Variants in ADK observed in about 807,000 individuals in gnomAD.
ADK encodes adenosine kinase.
A neutral mutation model predicts 44.7 loss-of-function variants in ADK; 24 were observed. The ratio of observed to expected loss-of-function variants is 0.54; its 90% confidence interval spans 0.39 to 0.76. The LOEUF is 0.76. ADK is among the 30% of genes least tolerant of loss of function. The pLI is 0.00. For missense variants in ADK, 321 were observed against 425.1 expected (o/e 0.76, Z 2.15); for synonymous variants, 128 against 142.6 (o/e 0.90, Z 0.73).
intron 7 of ADK, among the ~76,000 whole-genome samples, chr10:74,586,727 A>G (rs112347369): frequency 0.043 from 6,554 of 151,834 alleles, 433 homozygotes; most frequent in African/African-American, 0.14. Context: ...GGTGGCACAC[A>G]CCTGTAGTTC....
intron 4 of ADK, among the ~76,000 whole-genome samples, chr10:74,367,597 G>A (rs192597208): frequency 1.2e-4 from 18 of 152,168 alleles, no homozygotes; most frequent in Non-Finnish European, 2.1e-4. Flanking sequence ...ACCAGTACTC[G>A]GTGCTTTTGC....
At chr10:74,671,629 A>T (rs1433032256) in intron 10 of ADK, among the ~76,000 whole-genome samples, 1 of 152,208 alleles carries the variant, frequency 6.6e-6, no homozygotes, top group African/African-American at 2.4e-5. Context: ...ATGTAGGCTA[A>T]AATATTTTAT....
At chr10:74,209,617 AT>A (rs554643435) in intron 2 of ADK, among the ~76,000 whole-genome samples, 327 of 145,076 alleles carry the variant, frequency 2.3e-3, no homozygotes, top group Middle Eastern at 3.5e-3. Flanking sequence ...TCTGATTCTG[AT>A]TTTTTTTTTT....
chr10:74,633,861 G>A (rs1444173229), intron 9 of ADK, among the ~76,000 whole-genome samples: 2 of 152,220 alleles, frequency 1.3e-5, no homozygotes, highest in Non-Finnish European at 2.9e-5. Context: ...AAAGTTGGTA[G>A]AAAACACGCA....
intron 3 of ADK, among the ~76,000 whole-genome samples, chr10:74,263,584 A>G (rs1478934609): frequency 1.3e-5 from 2 of 152,152 alleles, no homozygotes; most frequent in Non-Finnish European, 2.9e-5. Flanking sequence ...AGGGGAATAC[A>G]TTACAAGTAC....
chr10:74,351,389 T>C (rs1368122976), intron 4 of ADK, among the ~76,000 whole-genome samples: 1 of 152,126 alleles, frequency 6.6e-6, no homozygotes, highest in African/African-American at 2.4e-5. Flanking sequence ...CTAAAAACTC[T>C]CAAAAAACTA....
intron 4 of ADK, among the ~76,000 whole-genome samples, chr10:74,315,723 C>A (rs1840595527): frequency 6.6e-6 from 1 of 152,188 alleles, no homozygotes; most frequent in Admixed American, 6.5e-5. Context: ...AGAATGATTT[C>A]TTTTCAAGTA....
At chr10:74,622,810 C>G (rs559231382) in intron 9 of ADK, among the ~76,000 whole-genome samples, 1 of 152,086 alleles carries the variant, frequency 6.6e-6, no homozygotes, top group Admixed American at 6.5e-5. Context: ...GAATTCAAGA[C>G]CAGCCTGACC....
chr10:74,667,186 T>C (rs944979335), intron 9 of ADK, among the ~76,000 whole-genome samples: 1 of 152,138 alleles, frequency 6.6e-6, no homozygotes, highest in Non-Finnish European at 1.5e-5. Context: ...AATCAGAGCA[T>C]ACTGAAAATG....
chr10:74,571,843 C>T (rs1850975662), intron 7 of ADK, among the ~76,000 whole-genome samples: 1 of 152,022 alleles, frequency 6.6e-6, no homozygotes, highest in Non-Finnish European at 1.5e-5. Context: ...AATGTGTTTG[C>T]TCTTGCTTTT....
intron 9 of ADK, among the ~76,000 whole-genome samples, chr10:74,621,066 G>A (rs774376534): frequency 6.6e-6 from 1 of 152,054 alleles, no homozygotes; most frequent in Non-Finnish European, 1.5e-5. Context: ...AAGCTTTTCA[G>A]TTTGACATAA....
chr10:74,284,626 C>T (rs1036965324), intron 3 of ADK, among the ~76,000 whole-genome samples: 3 of 152,206 alleles, frequency 2.0e-5, no homozygotes, highest in African/African-American at 7.2e-5. Flanking sequence ...TCTATCCCAA[C>T]AGCACATGAG....
intron 6 of ADK, among the ~76,000 whole-genome samples, chr10:74,449,072 A>G (rs1845683914): frequency 6.6e-6 from 1 of 152,180 alleles, no homozygotes; most frequent in Non-Finnish European, 1.5e-5. Context: ...GGCCTATGTC[A>G]TTGTGGAGAC....
intron 7 of ADK, chr10:74,527,676 T>G (rs1241974600): frequency 9.1e-7 from 1 of 1,095,338 alleles, no homozygotes; most frequent in Non-Finnish European, 1.4e-6. Context: ...ACCAAAACTG[T>G]GTCAAAAATG....
At chr10:74,186,671 T>G (rs1264044656) in intron 1 of ADK, among the ~76,000 whole-genome samples, 1 of 152,202 alleles carries the variant, frequency 6.6e-6, no homozygotes, top group Non-Finnish European at 1.5e-5. Context: ...TCTTTTACTA[T>G]AGATGTTAGT....
At chr10:74,508,618 T>A (rs1848177012) in intron 6 of ADK, among the ~76,000 whole-genome samples, 1 of 152,204 alleles carries the variant, frequency 6.6e-6, no homozygotes, top group African/African-American at 2.4e-5. Flanking sequence ...CAAAAATTTT[T>A]AAAATAAGTT....
intron 3 of ADK, among the ~76,000 whole-genome samples, chr10:74,256,525 CA>C (rs1052012330): frequency 3.4e-4 from 51 of 152,106 alleles, no homozygotes; most frequent in Admixed American, 2.9e-3. Context: ...TAAACTTTCT[CA>C]GATAATTATG....
At chr10:74,443,440 A>G (rs573607014) in intron 6 of ADK, among the ~76,000 whole-genome samples, 1 of 152,162 alleles carries the variant, frequency 6.6e-6, no homozygotes, top group South Asian at 2.1e-4. Context: ...GAAAGAAGCC[A>G]TTTATAAAAG....
At chr10:74,681,331 A>G (rs1047765711) in intron 10 of ADK, among the ~76,000 whole-genome samples, 2 of 152,252 alleles carry the variant, frequency 1.3e-5, no homozygotes, top group Non-Finnish European at 2.9e-5. Context: ...GAGATTAAAC[A>G]AACTCCCATT....
Sources: gnomAD v4.1 joint callset for allele counts (sites outside exome capture counted in the v4.1 genomes callset) on GRCh38, gnomAD v4.1.1 for gene constraint, MANE v1.5 for transcripts, NCBI Gene and HGNC (gene_info 2026-07-23, HGNC 2026-07-21) for gene names.